The following ARK2C variants were observed in gnomAD, a reference collection of about 807,000 sequenced individuals.
ARK2C encodes the protein arkadia (RNF111) C-terminal like ring finger ubiquitin ligase 2C.
the ARK2C span, among the ~76,000 whole-genome samples, chr18:46,395,502 T>C: frequency 2.6e-5 from 4 of 152,194 alleles, no homozygotes; most frequent in Non-Finnish European, 5.9e-5. Context: ...ATGGCAGCCC[T>C]TAGAAGAATC....
chr18:46,337,894 C>A, the ARK2C span, among the ~76,000 whole-genome samples: 49 of 152,014 alleles, frequency 3.2e-4, 1 homozygote, highest in South Asian at 9.2e-3. Flanking sequence ...ATAGGAGGGG[C>A]CAGTTGTCCT....
At chr18:46,405,136 A>G in the ARK2C span, among the ~76,000 whole-genome samples, 10 of 152,172 alleles carry the variant, frequency 6.6e-5, no homozygotes, top group African/African-American at 2.2e-4. Context: ...CAACATGTCT[A>G]TGGTGTACAG....
chr18:46,426,571 C>G, the ARK2C span, among the ~76,000 whole-genome samples: 1 of 152,192 alleles, frequency 6.6e-6, no homozygotes, highest in Non-Finnish European at 1.5e-5. Context: ...CACTCAGGCC[C>G]CCACCCCCTG....
the ARK2C span, among the ~76,000 whole-genome samples, chr18:46,395,407 G>A: frequency 6.6e-6 from 1 of 152,176 alleles, no homozygotes; most frequent in African/African-American, 2.4e-5. Flanking sequence ...CAGCATTCCT[G>A]GCACCTCCCC....
At chr18:46,366,041 C>T in the ARK2C span, among the ~76,000 whole-genome samples, 10 of 151,972 alleles carry the variant, frequency 6.6e-5, no homozygotes, top group South Asian at 2.1e-4. Flanking sequence ...ACCTGTAATC[C>T]CAGCACTTTG....
chr18:46,403,747 G>A, the ARK2C span, among the ~76,000 whole-genome samples: 7 of 152,026 alleles, frequency 4.6e-5, no homozygotes, highest in South Asian at 2.1e-4. Flanking sequence ...GCGTGGTGGC[G>A]GTCACTTGTA....
the ARK2C span, chr18:46,334,649 C>A: frequency 3.0e-5 from 11 of 366,638 alleles, no homozygotes; most frequent in Admixed American, 4.9e-5. This position sits in a 1 kb window ranked among gnomAD's most constrained non-coding sequence, Gnocchi z 4.4. Context: ...CCTGTATGAT[C>A]GAAAGGAGAA....
At chr18:46,386,918 T>G in the ARK2C span, 36 of 152,400 alleles carry the variant, frequency 2.4e-4, no homozygotes, top group Middle Eastern at 6.8e-3. Flanking sequence ...AGTGTTTGGG[T>G]GGCGGAGGAG....
At chr18:46,377,929 G>A in the ARK2C span, among the ~76,000 whole-genome samples, 2 of 152,078 alleles carry the variant, frequency 1.3e-5, no homozygotes, top group East Asian at 3.9e-4. Context: ...AAGAAGTTCT[G>A]GGGCAGGAAG....
At chr18:46,348,093 A>G in the ARK2C span, among the ~76,000 whole-genome samples, 1 of 151,936 alleles carries the variant, frequency 6.6e-6, no homozygotes, top group Non-Finnish European at 1.5e-5. Flanking sequence ...GCCCTAAGGT[A>G]TGTGCTGGGT....
At chr18:46,404,849 A>T in the ARK2C span, among the ~76,000 whole-genome samples, 1 of 152,062 alleles carries the variant, frequency 6.6e-6, no homozygotes, top group Non-Finnish European at 1.5e-5. Flanking sequence ...TGAAGTAGGG[A>T]TTATTAGTTC....
chr18:46,366,637 G>A, the ARK2C span, among the ~76,000 whole-genome samples: 11 of 152,326 alleles, frequency 7.2e-5, no homozygotes, highest in African/African-American at 2.4e-4. Context: ...ATGGCTGAGA[G>A]GAATAGTAGG....
the ARK2C span, among the ~76,000 whole-genome samples, chr18:46,345,288 G>A: frequency 6.6e-6 from 1 of 152,192 alleles, no homozygotes; most frequent in Non-Finnish European, 1.5e-5. Flanking sequence ...GGGGTGAGGG[G>A]GCAGCAGCCA....
chr18:46,414,186 G>C, the ARK2C span, among the ~76,000 whole-genome samples: 1 of 152,184 alleles, frequency 6.6e-6, no homozygotes, highest in Non-Finnish European at 1.5e-5. Flanking sequence ...CTTGCCTAAG[G>C]CCACATAGTG....
chr18:46,370,025 G>T, the ARK2C span, among the ~76,000 whole-genome samples: 2 of 152,302 alleles, frequency 1.3e-5, no homozygotes, highest in Middle Eastern at 3.4e-3. Context: ...GGCCATAACA[G>T]CTTCTTGCTG....
the ARK2C span, among the ~76,000 whole-genome samples, chr18:46,450,081 C>A: frequency 1.3e-5 from 2 of 152,124 alleles, no homozygotes; most frequent in Non-Finnish European, 2.9e-5. Flanking sequence ...TGAAGGTTAG[C>A]TGTCACTTTA....
chr18:46,385,511 A>C, the ARK2C span, among the ~76,000 whole-genome samples: 1 of 152,244 alleles, frequency 6.6e-6, no homozygotes, highest in Non-Finnish European at 1.5e-5. Flanking sequence ...TAGTGGACAG[A>C]GAACAGGCTC....
the ARK2C span, chr18:46,336,289 C>A: frequency 1.0e-6 from 1 of 985,318 alleles, no homozygotes; most frequent in African/African-American, 1.7e-5. Context: ...CTCTAAATAC[C>A]ATTGCAGGAT....
At chr18:46,334,616 A>G in the ARK2C span, 1 of 483,914 alleles carries the variant, frequency 2.1e-6, no homozygotes, top group Non-Finnish European at 3.6e-6. The surrounding 1 kb of genome is among the most constrained non-coding windows in gnomAD (Gnocchi z 4.4). Flanking sequence ...CCCAAATCAC[A>G]GCCCCTTCCC....
Sources: gnomAD v4.1 joint callset for allele counts (sites outside exome capture counted in the v4.1 genomes callset) on GRCh38, gnomAD v4.1.1 for gene constraint, Gnocchi (gnomAD v3.1) non-coding constraint, MANE v1.5 for transcripts, NCBI Gene and HGNC (gene_info 2026-07-23, HGNC 2026-07-21) for gene names.